The following RBFOX1 variants were observed in gnomAD, a reference collection of about 807,000 sequenced individuals.
RBFOX1 encodes the protein RNA binding protein fox-1 homolog 1.
RBFOX1 carries 8 observed loss-of-function variants against 57.7 expected under a neutral mutation model. The ratio of observed to expected loss-of-function variants is 0.14; its 90% CI spans 0.08 to 0.25. The LOEUF is 0.25. Ranked by LOEUF, RBFOX1 falls within the 10% of genes least tolerant of loss-of-function variation. The pLI, the probability that RBFOX1 is intolerant of heterozygous loss-of-function variation, is 1.00. For missense variants in RBFOX1, 611 were observed against 548.5 expected (o/e 1.11, Z -1.14); for synonymous variants, 326 against 222.4 (o/e 1.47, Z -4.15).
intron 3 of RBFOX1, among the ~76,000 whole-genome samples, chr16:6,958,267 A>G (rs56284968): frequency 0.025 from 3,782 of 152,288 alleles, 165 homozygotes; most frequent in African/African-American, 0.086. Context: ...AGGCTGGGCA[A>G]TGCTTTGCTT....
At chr16:5,895,849 T>G (rs1233145222) in intron 4 of RBFOX1, among the ~76,000 whole-genome samples, 1 of 152,228 alleles carries the variant, frequency 6.6e-6, no homozygotes, top group African/African-American at 2.4e-5. Context: ...GCGATGTAAC[T>G]GTTTTGCTGG....
chr16:6,897,205 C>G (rs117590649), intron 3 of RBFOX1, among the ~76,000 whole-genome samples: 27 of 152,310 alleles, frequency 1.8e-4, no homozygotes, highest in Non-Finnish European at 3.2e-4. Flanking sequence ...TTCCAGAACC[C>G]TACTTCATAA....
At chr16:7,316,064 T>G (rs73559872) in intron 4 of RBFOX1, among the ~76,000 whole-genome samples, 3,866 of 152,326 alleles carry the variant, frequency 0.025, 73 homozygotes, top group African/African-American at 0.051. Flanking sequence ...TCTTCCTGGC[T>G]TTGTGAGAAA....
At chr16:7,075,695 C>T (rs1032991751) in intron 4 of RBFOX1, among the ~76,000 whole-genome samples, 1 of 152,172 alleles carries the variant, frequency 6.6e-6, no homozygotes. Context: ...ATTCTCCTGC[C>T]TCAGTCTCCC....
rs182811760 is a variant in RBFOX1, at chr16:7,686,986, G to C, written c.995+10148G>C. Among the ~76,000 whole-genome samples the C allele has an allele frequency of 5.3e-5, 8 of 152,158 alleles. No homozygotes were observed. The East Asian group carries it at 1.5e-3, about 29-fold the overall frequency. On this transcript the variant is annotated intron_variant, in intron 14 of 15. Transcript: ENST00000550418. ...GATTCACAGACCTTATCTTCTTTCTGTTTAAGCTTCTTTACGAATATCATG... is the reference window on the plus strand; with the variant it reads ...GATTCACAGACCTTATCTTCTTTCTCTTTAAGCTTCTTTACGAATATCATG...
intron 4 of RBFOX1, among the ~76,000 whole-genome samples, chr16:7,065,054 A>T (rs111499058): frequency 6.6e-6 from 1 of 152,212 alleles, no homozygotes; most frequent in Admixed American, 6.5e-5. Context: ...AAAGGAACAG[A>T]TGAGTATGTG....
chr16:6,795,871 C>G lies in RBFOX1; in HGVS notation c.-16+141221C>G, dbSNP rs183544479. On this transcript the variant is annotated intron_variant, in intron 3 of 15. Transcript: ENST00000550418. ...TATGTCAGCTTTCCACAAAATCACC[C>G]CCTGCCTTCCCTTTCCTTTTATGTT... Among the ~76,000 whole-genome samples the G allele has an allele frequency of 7.9e-5, 12 of 151,930 alleles. No individual in the cohort carries two copies. In the East Asian group the frequency reaches 2.3e-3, roughly 29 times the overall value.
intron 1 of RBFOX1, among the ~76,000 whole-genome samples, chr16:5,303,874 G>A (rs1343901688): frequency 2.0e-5 from 3 of 152,204 alleles, no homozygotes; most frequent in African/African-American, 7.2e-5. Flanking sequence ...TCTAAATAAG[G>A]GAGGAGGCCC....
chr16:6,446,183 C>T (rs551399568), intron 2 of RBFOX1, among the ~76,000 whole-genome samples: 65 of 152,090 alleles, frequency 4.3e-4, no homozygotes, highest in African/African-American at 1.5e-3. Flanking sequence ...TCAAATTATT[C>T]ATTAGAGCCA....
chr16:7,144,417 C>CTTCTTT (rs3046798), intron 4 of RBFOX1, among the ~76,000 whole-genome samples: 14,726 of 66,602 alleles, frequency 0.22, 2,353 homozygotes, highest in East Asian at 0.46. Context: ...TTTCTTTCTT[C>CTTCTTT]TTTTTTTTTT....
At chr16:7,405,536 C>A (rs1568674280) in intron 4 of RBFOX1, among the ~76,000 whole-genome samples, 1 of 152,172 alleles carries the variant, frequency 6.6e-6, no homozygotes, top group African/African-American at 2.4e-5. Context: ...CTCTTCCTTG[C>A]ACGTTTAAAT....
At chr16:5,484,292 T>C (rs1209086139) in intron 2 of RBFOX1, among the ~76,000 whole-genome samples, 3 of 152,244 alleles carry the variant, frequency 2.0e-5, no homozygotes, top group African/African-American at 7.2e-5. Context: ...CAGTTCTTTC[T>C]GGCTGTCATT....
intron 10 of RBFOX1, chr16:7,614,464 C>G (rs986143882): frequency 3.3e-5 from 5 of 152,024 alleles, no homozygotes; most frequent in African/African-American, 1.2e-4. Flanking sequence ...TTTGATGAAG[C>G]CTGTGGGGTT....
At chr16:6,823,918 A>C (rs1238195684) in intron 3 of RBFOX1, among the ~76,000 whole-genome samples, 1 of 152,132 alleles carries the variant, frequency 6.6e-6, no homozygotes, top group Non-Finnish European at 1.5e-5. Context: ...AGTTACACGT[A>C]AGAAATCAGT....
intron 4 of RBFOX1, among the ~76,000 whole-genome samples, chr16:7,075,909 T>C (rs1224935275): frequency 6.6e-6 from 1 of 151,842 alleles, no homozygotes; most frequent in Admixed American, 6.6e-5. Context: ...GTAAACAATT[T>C]CCTGTAACTG....
rs190108980 is a variant in RBFOX1, at chr16:6,666,720, C to T, written c.-16+12070C>T. On this transcript the variant is annotated intron_variant, in intron 3 of 15. Coordinates refer to ENST00000550418, the MANE Select transcript of RBFOX1 (RefSeq NM_018723.4). ...CCTTCTGTGCTCCTCATGCTCAGGG[C>T]CTGACACACAGGTAAACGGTGACTT... 2.5e-3 allele frequency among the ~76,000 whole-genome samples: 388 copies of T among 152,198 alleles called. 1 individual carries two copies. The highest frequency in any genetic ancestry group is 8.5e-3 in the African/African-American group (354 of 41,516).
chr16:7,637,269 CT>C (rs1229061240), intron 11 of RBFOX1, among the ~76,000 whole-genome samples: 2 of 103,546 alleles, frequency 1.9e-5, no homozygotes, highest in African/African-American at 8.9e-5. Flanking sequence ...CCCTTCCCTC[CT>C]CAAAAAAAAA....
chr16:5,953,030 C>CA (rs1567184520), intron 4 of RBFOX1, among the ~76,000 whole-genome samples: 1 of 147,104 alleles, frequency 6.8e-6, no homozygotes, highest in Non-Finnish European at 1.5e-5. Flanking sequence ...AGCCTGGCTA[C>CA]ATGGTAGAAT....
intron 2 of RBFOX1, among the ~76,000 whole-genome samples, chr16:5,545,840 G>T (rs986565685): frequency 6.6e-6 from 1 of 152,032 alleles, no homozygotes; most frequent in Non-Finnish European, 1.5e-5. Context: ...CTTTAATAAG[G>T]CAGGAGAAAT....
Sources: allele counts gnomAD v4.1 joint callset (sites outside exome capture counted in the v4.1 genomes callset), GRCh38; gene constraint gnomAD v4.1.1; transcripts MANE v1.5; gene names NCBI Gene and HGNC (gene_info 2026-07-23, HGNC 2026-07-21).